Variants in SH3KBP1 observed in about 807,000 individuals in gnomAD.
The protein encoded by SH3KBP1 is SH3 domain-containing kinase-binding protein 1.
Under a neutral mutation model 50.1 loss-of-function variants are expected in SH3KBP1, and 8 were observed. The ratio of observed to expected loss-of-function variants is 0.16; its 90% CI spans 0.09 to 0.29. The LOEUF is 0.29. Among genes scored for constraint, SH3KBP1 ranks in the 10% least tolerant of loss-of-function variants. The pLI is 1.00. For missense variants in SH3KBP1, 377 were observed against 535.2 expected (o/e 0.70, Z 2.92); for synonymous variants, 227 against 218.6 (o/e 1.04, Z -0.34).
chrX:19,741,329 A>G (rs1033390740), intron 3 of SH3KBP1, among the ~76,000 whole-genome samples: 2 of 112,028 alleles, frequency 1.8e-5, no homozygotes, highest in Admixed American at 9.4e-5. Flanking sequence ...GTTACAAATA[A>G]CATCTTTTAA....
At chrX:19,677,884 A>G (rs2062965285) in intron 6 of SH3KBP1, among the ~76,000 whole-genome samples, 1 of 112,123 alleles carries the variant, frequency 8.9e-6, no homozygotes, top group Non-Finnish European at 1.9e-5. Flanking sequence ...CTTCCCCTTT[A>G]TGTTTCCTTC....
intron 2 of SH3KBP1, among the ~76,000 whole-genome samples, chrX:19,748,664 T>A (rs1336262919): frequency 1.8e-5 from 2 of 111,706 alleles, no homozygotes; most frequent in East Asian, 5.6e-4. Flanking sequence ...CTTGCATTTT[T>A]TTCAGAGAAA....
At chrX:19,809,862 T>C (rs2067158386) in intron 2 of SH3KBP1, among the ~76,000 whole-genome samples, 1 of 112,190 alleles carries the variant, frequency 8.9e-6, no homozygotes, top group Non-Finnish European at 1.9e-5. Flanking sequence ...ATTCCTAATT[T>C]AATATAATTG....
chrX:19,542,010 C>T lies in SH3KBP1; in HGVS notation c.1807G>A (p.Ala603Thr). 8.3e-7 allele frequency: 1 copy of T among 1,211,964 alleles called. No individual in the cohort carries two copies. The highest frequency in any genetic ancestry group is 1.1e-6 in the Non-Finnish European group (1 of 895,556). Residue 603 changes from alanine (A) to threonine (T), a missense_variant, in exon 16 of 18, where the codon GCC becomes ACC. This residue lies in a region of SH3KBP1 where 110 missense variants were observed against 124.1 expected (regional missense o/e 0.89). Coordinates refer to ENST00000397821, the MANE Select transcript of SH3KBP1 (RefSeq NM_031892.3). The part of the protein sequence containing the change: ...TEGKPKMEPA[A>T]SSQAAVEELR... The stretch of plus-strand genomic sequence containing the variant: ...TCCTCCACGGCCGCCTGGCTGCTGG[C>T]CGCAGGCTCCATCTTTGGTTTTCCT...
At chrX:19,588,535 C>T in intron 12 of SH3KBP1, 108 bp downstream of exon 12, 1 of 1,210,702 alleles carries the variant, frequency 8.3e-7, no homozygotes. Flanking sequence ...AGCTTGAGCA[C>T]CCCCTTCTCC....
chrX:19,746,512 G>T, intron 2 of SH3KBP1, 71 bp from the exon 3 acceptor site: 1 of 1,019,873 alleles, frequency 9.8e-7, no homozygotes, highest in Non-Finnish European at 1.3e-6. Context: ...ACTATCTTAA[G>T]CTCCATCTTT....
At chrX:19,692,701 T>TTTTTTTAATAG (rs2063326793) in intron 5 of SH3KBP1, among the ~76,000 whole-genome samples, 1 of 101,717 alleles carries the variant, frequency 9.8e-6, no homozygotes, top group African/African-American at 3.6e-5. Flanking sequence ...TTTTTTTTTT[T>TTTTTTTAATAG]TTTAATAGTC....
intron 9 of SH3KBP1, among the ~76,000 whole-genome samples, chrX:19,603,356 G>A (rs1016465286): frequency 1.8e-5 from 2 of 112,445 alleles, no homozygotes; most frequent in African/African-American, 3.2e-5. Context: ...CAAAATGACC[G>A]GGGCAGGCAG....
chrX:19,657,197 T>A (rs1698419867), intron 6 of SH3KBP1, among the ~76,000 whole-genome samples: 1 of 108,792 alleles, frequency 9.2e-6, no homozygotes, highest in African/African-American at 3.4e-5. Flanking sequence ...GGCAACACAG[T>A]AAGACCTTAT....
At chrX:19,655,190 T>C (rs2062240901) in intron 6 of SH3KBP1, among the ~76,000 whole-genome samples, 1 of 112,459 alleles carries the variant, frequency 8.9e-6, no homozygotes, top group Non-Finnish European at 1.9e-5. Context: ...TTTTTCTTTA[T>C]ACCTCTAAAA....
chrX:19,536,834 A>G (rs1341581544), intron 17 of SH3KBP1, among the ~76,000 whole-genome samples: 1 of 112,032 alleles, frequency 8.9e-6, no homozygotes, highest in Non-Finnish European at 1.9e-5. Flanking sequence ...CAGCACCCCC[A>G]AAATGATGGC....
chrX:19,804,387 T>G (rs926031966), intron 2 of SH3KBP1, among the ~76,000 whole-genome samples: 1 of 110,709 alleles, frequency 9.0e-6, no homozygotes, highest in African/African-American at 3.3e-5. Context: ...CATTAAGTAC[T>G]CTTTTTTTCC....
chrX:19,754,379 C>T (rs1171865490), intron 2 of SH3KBP1, among the ~76,000 whole-genome samples: 1 of 112,179 alleles, frequency 8.9e-6, no homozygotes, highest in Non-Finnish European at 1.9e-5. Flanking sequence ...AGATTATTAC[C>T]ACTGGATCAA....
At chrX:19,777,953 T>G (rs2066032941) in intron 2 of SH3KBP1, among the ~76,000 whole-genome samples, 1 of 110,075 alleles carries the variant, frequency 9.1e-6, no homozygotes, top group Non-Finnish European at 1.9e-5. Flanking sequence ...ACAAAAAAGG[T>G]TGAGGCTACA....
intron 13 of SH3KBP1, among the ~76,000 whole-genome samples, chrX:19,552,335 A>G (rs1317894074): frequency 9.0e-6 from 1 of 111,065 alleles, no homozygotes; most frequent in East Asian, 2.8e-4. Context: ...GGAAGAAGGA[A>G]ATAAGGCCCA....
chrX:19,634,031 GGTGTGTGTGTGTGT>G (rs60109180), intron 7 of SH3KBP1, among the ~76,000 whole-genome samples: 844 of 32,158 alleles, frequency 0.026, 14 homozygotes, highest in Non-Finnish European at 0.035. Flanking sequence ...TTTGTTCCCT[GGTGTGTGTGTGTGT>G]GTGTGTGTGT....
chrX:19,643,032 T>C (rs2061896978), intron 7 of SH3KBP1, among the ~76,000 whole-genome samples: 1 of 111,175 alleles, frequency 9.0e-6, no homozygotes, highest in Non-Finnish European at 1.9e-5. Context: ...GTTTGTCTTC[T>C]GGCCAGAAGG....
chrX:19,628,743 A>T (rs1452946503), intron 8 of SH3KBP1, among the ~76,000 whole-genome samples: 1 of 111,978 alleles, frequency 8.9e-6, no homozygotes. Flanking sequence ...CCCAAGCAGC[A>T]TGAGTTAAGA....
At chrX:19,867,454 T>C (rs1193914472) in intron 1 of SH3KBP1, among the ~76,000 whole-genome samples, 4 of 112,174 alleles carry the variant, frequency 3.6e-5, no homozygotes, top group African/African-American at 9.7e-5. Context: ...TCATCCCCAA[T>C]TGGTGGTGTC....
Sources: allele counts gnomAD v4.1 joint callset (sites outside exome capture counted in the v4.1 genomes callset), GRCh38; gene constraint gnomAD v4.1.1; regional missense constraint gnomAD v4.1.1; transcripts MANE v1.5; gene names NCBI Gene and HGNC (gene_info 2026-07-23, HGNC 2026-07-21).